Variants in TTC29 observed in about 807,000 individuals in gnomAD.
The protein encoded by TTC29 is tetratricopeptide repeat protein 29.
A neutral mutation model predicts 58.1 loss-of-function variants in TTC29; 49 were observed. That is an observed-to-expected ratio of 0.84 (90% CI 0.67 to 1.07). TTC29 has a LOEUF of 1.07. TTC29 is among the 50% of genes least tolerant of loss of function. The pLI, the probability that TTC29 is intolerant of heterozygous loss-of-function variation, is 0.00. For synonymous variants in TTC29, 209 were observed against 196.8 expected (o/e 1.06, Z -0.52); for missense variants, 582 against 555.6 (o/e 1.05, Z -0.48).
intron 10 of TTC29, among the ~76,000 whole-genome samples, chr4:146,806,872 T>G (rs1242634332): frequency 6.6e-6 from 1 of 152,124 alleles, no homozygotes; most frequent in African/African-American, 2.4e-5. Flanking sequence ...TGAACTCAGC[T>G]GTGGACCAAG....
At chr4:146,940,896 T>A (rs1024730476) in intron 2 of TTC29, among the ~76,000 whole-genome samples, 1 of 152,176 alleles carries the variant, frequency 6.6e-6, no homozygotes, top group African/African-American at 2.4e-5. Context: ...TCACCCAGAT[T>A]CAAGGCAAAT....
At chr4:146,827,017 T>C (rs569023718) in intron 9 of TTC29, among the ~76,000 whole-genome samples, 2 of 152,152 alleles carry the variant, frequency 1.3e-5, no homozygotes, top group African/African-American at 4.8e-5. Context: ...TTTATCGAGG[T>C]TCTTAGCTTG....
At chr4:146,738,867 A>C (rs1347761977) in intron 11 of TTC29, among the ~76,000 whole-genome samples, 1 of 152,148 alleles carries the variant, frequency 6.6e-6, no homozygotes, top group Non-Finnish European at 1.5e-5. Context: ...TGGATAGCTG[A>C]ACAAGTGGTG....
At chr4:146,809,653 T>C (rs925037184) in intron 10 of TTC29, among the ~76,000 whole-genome samples, 1 of 149,094 alleles carries the variant, frequency 6.7e-6, no homozygotes, top group Admixed American at 6.9e-5. Flanking sequence ...CCACCAAACA[T>C]ATGAAAAAAA....
intron 11 of TTC29, among the ~76,000 whole-genome samples, chr4:146,772,626 C>T (rs1175765729): frequency 6.6e-6 from 1 of 152,100 alleles, no homozygotes; most frequent in African/African-American, 2.4e-5. Flanking sequence ...GTTACTATAA[C>T]CTTGTAGTAT....
rs1553942371 is a variant in TTC29, at chr4:146,930,100, T to TATACAC, written c.176+7493_176+7494insGTGTAT. On this transcript the variant is annotated intron_variant, in intron 4 of 12. Transcript: ENST00000325106. ...GTGTGTGTGCATATATATATATATATATATATATATATATATATACACACA... is the reference window on the plus strand; with the variant it reads ...GTGTGTGTGCATATATATATATATATATACACATATATATATATATATATACACACA... 8.8e-3 allele frequency among the ~76,000 whole-genome samples: 1,135 copies of TATACAC among 129,492 alleles called. 21 individuals carry two copies. The highest frequency in any genetic ancestry group is 0.032 in the African/African-American group (1,076 of 33,850). 85.0% of individuals were successfully genotyped at this position (129,492 alleles called of 152,430 possible).
At chr4:146,716,394 A>C (rs1466548778) in intron 11 of TTC29, among the ~76,000 whole-genome samples, 1 of 152,116 alleles carries the variant, frequency 6.6e-6, no homozygotes, top group Non-Finnish European at 1.5e-5. Flanking sequence ...TGTACTTTAG[A>C]ACAGAGAATT....
In TTC29 at chr4:146,874,942, G is replaced by C. The variant is rs747627141; in HGVS notation, c.587-14C>G. 4 of 1,607,304 alleles carry C rather than the reference G, an allele frequency of 2.5e-6. No homozygotes were observed. The highest frequency in any genetic ancestry group is 3.4e-6 in the Non-Finnish European group (4 of 1,174,940). On this transcript the variant is annotated splice_polypyrimidine_tract_variant and intron_variant, in intron 6 of 12. Coordinates refer to ENST00000325106, the MANE Select transcript of TTC29 (RefSeq NM_031956.4). ...CCAGAAGCTGACCTGGAGAATAAAA[G>C]CCATTCATAAGTATAAACCAGAGGA...
chr4:146,805,888 A>C (rs1294581931), intron 10 of TTC29, among the ~76,000 whole-genome samples: 3 of 151,864 alleles, frequency 2.0e-5, no homozygotes. Context: ...TACAGAGAAC[A>C]CCACAAAACT....
chr4:146,851,041 G>A (rs1561187716), intron 8 of TTC29, among the ~76,000 whole-genome samples: 1 of 152,090 alleles, frequency 6.6e-6, no homozygotes. Flanking sequence ...CAAAGCAAGG[G>A]GTGCTAAGAG....
At chr4:146,866,497 C>T (rs1415490747) in intron 8 of TTC29, among the ~76,000 whole-genome samples, 3 of 152,162 alleles carry the variant, frequency 2.0e-5, no homozygotes, top group Non-Finnish European at 4.4e-5. Context: ...TAAAAAGCCC[C>T]TGTTCATCCT....
rs372537631 is a variant in TTC29, at chr4:146,896,732, G to A, written c.586+6812C>T. The stretch of plus-strand genomic sequence containing the variant: ...AGTCCTTCCCCTGCAATTTGAGATC[G>A]TTATTCAAGTTTGTCCTCAGCATCA... On this transcript the variant is annotated intron_variant, in intron 6 of 12. Transcript: ENST00000325106. 2.9e-4 allele frequency among the ~76,000 whole-genome samples: 44 copies of A among 152,056 alleles called. 1 individual carries two copies. The highest frequency in any genetic ancestry group is 8.4e-4 in the African/African-American group (35 of 41,482).
chr4:146,759,430 T>A (rs939394393), intron 11 of TTC29, among the ~76,000 whole-genome samples: 4 of 152,106 alleles, frequency 2.6e-5, no homozygotes, highest in African/African-American at 7.2e-5. Flanking sequence ...CCCTAATTCA[T>A]TCTATGAAGC....
At chr4:146,916,968 A>C (rs1198647786) in intron 4 of TTC29, among the ~76,000 whole-genome samples, 1 of 151,342 alleles carries the variant, frequency 6.6e-6, no homozygotes, top group African/African-American at 2.4e-5. Context: ...AAAATATTTT[A>C]TACTTAAACA....
intron 4 of TTC29, among the ~76,000 whole-genome samples, chr4:146,930,084 C>CATAT (rs70958534): frequency 0.091 from 7,005 of 77,096 alleles, 454 homozygotes; most frequent in South Asian, 0.13. Flanking sequence ...TGTGTGTGTG[C>CATAT]ATATATATAT....
intron 11 of TTC29, among the ~76,000 whole-genome samples, chr4:146,769,890 G>A (rs1180494172): frequency 6.6e-6 from 1 of 152,018 alleles, no homozygotes; most frequent in Non-Finnish European, 1.5e-5. Context: ...AAGCAATGGT[G>A]CTTTAAACTT....
At chr4:146,752,497 G>A (rs980985084) in intron 11 of TTC29, among the ~76,000 whole-genome samples, 4 of 151,596 alleles carry the variant, frequency 2.6e-5, no homozygotes, top group Admixed American at 6.6e-5. Context: ...TATAGATTCA[G>A]TGCCATCCCC....
chr4:146,822,758 C>A lies in TTC29; in HGVS notation c.978-2510G>T, dbSNP rs144523279. Among the ~76,000 whole-genome samples the A allele has an allele frequency of 3.8e-3, 583 of 152,294 alleles. 7 individuals are homozygous for A. Among genetic ancestry groups the A allele is most frequent in the African/African-American group, 0.013 (539 of 41,556 alleles). On this transcript the variant is annotated intron_variant, in intron 9 of 12. Transcript: ENST00000325106. ...TGTTCCTATTTCTCCACAGCCTCAC[C>A]AGAATCTATTGTTTCCTGACTTTTT...
intron 4 of TTC29, among the ~76,000 whole-genome samples, chr4:146,936,327 G>A (rs1399140861): frequency 6.6e-6 from 1 of 152,126 alleles, no homozygotes; most frequent in Non-Finnish European, 1.5e-5. Context: ...CTTCTAGTTT[G>A]TTGAAATTAT....
Sources: gnomAD v4.1 joint callset for allele counts (sites outside exome capture counted in the v4.1 genomes callset) on GRCh38, gnomAD v4.1.1 for gene constraint, MANE v1.5 for transcripts, NCBI Gene and HGNC (gene_info 2026-07-23, HGNC 2026-07-21) for gene names.